Variants in KIF16B observed in about 807,000 individuals in gnomAD.
KIF16B encodes kinesin-like protein KIF16B.
KIF16B carries 98 observed loss-of-function variants against 156.3 expected under a neutral mutation model. The observed-to-expected ratio is 0.63, with a 90% confidence interval of 0.53 to 0.74. KIF16B has a LOEUF of 0.74. Among genes scored for constraint, KIF16B ranks in the 30% least tolerant of loss-of-function variants. The probability of loss-of-function intolerance (pLI) is 0.00; values close to 1 mark genes in which losing one functional copy is unlikely to be tolerated. For missense variants in KIF16B, 1,421 were observed against 1,606.5 expected (o/e 0.88, Z 1.97); for synonymous variants, 564 against 583.7 (o/e 0.97, Z 0.49).
intron 1 of KIF16B, among the ~76,000 whole-genome samples, chr20:16,558,897 C>CAAAAAAA (rs11478258): frequency 1.8e-4 from 11 of 62,070 alleles, no homozygotes; most frequent in East Asian, 5.2e-4. Flanking sequence ...GAGCAAGACT[C>CAAAAAAA]AAAAAAAAAA....
At chr20:16,357,531 A>G (rs2064467608) in intron 22 of KIF16B, among the ~76,000 whole-genome samples, 1 of 152,202 alleles carries the variant, frequency 6.6e-6, no homozygotes, top group African/African-American at 2.4e-5. Context: ...CACTTCACAC[A>G]TATGTAGGTT....
intron 12 of KIF16B, among the ~76,000 whole-genome samples, chr20:16,438,318 A>G (rs1293601102): frequency 4.6e-5 from 7 of 152,124 alleles, no homozygotes; most frequent in Non-Finnish European, 1.0e-4. Flanking sequence ...TGTGGTCCAA[A>G]AATAGGTGAC....
chr20:16,441,446 G>A (rs115872308), intron 12 of KIF16B, among the ~76,000 whole-genome samples: 1,666 of 152,210 alleles, frequency 0.011, 20 homozygotes, highest in African/African-American at 0.038. Context: ...CAGTTATCAG[G>A]CCTAATCGCA....
intron 12 of KIF16B, among the ~76,000 whole-genome samples, chr20:16,435,073 GA>G (rs2066607870): frequency 6.6e-6 from 1 of 152,142 alleles, no homozygotes; most frequent in Non-Finnish European, 1.5e-5. Flanking sequence ...TTAACAGAAT[GA>G]AACTATTTCA....
rs548830082 is a variant in KIF16B at position 16,360,937 on chromosome 20, G to T, written c.3499-4485C>A. Among the ~76,000 whole-genome samples the T allele has an allele frequency of 3.3e-5, 5 of 152,284 alleles. No individual in the cohort carries two copies. In the South Asian group the frequency reaches 1.0e-3, roughly 32 times the overall value. Reference sequence around the variant, plus strand: ...CTCTCAGAGAACATGAAACGGTCCAGGTCCTCAGGGAGTCATTAACAGTTG... The same window carrying T: ...CTCTCAGAGAACATGAAACGGTCCATGTCCTCAGGGAGTCATTAACAGTTG... On this transcript the variant is annotated intron_variant, in intron 22 of 25. Transcript: ENST00000354981.
chr20:16,391,276 C>T (rs927604760), intron 17 of KIF16B, among the ~76,000 whole-genome samples: 1 of 152,112 alleles, frequency 6.6e-6, no homozygotes, highest in African/African-American at 2.4e-5. Flanking sequence ...CTCGAGGGCA[C>T]CTTCCTGGGC....
chr20:16,409,970 C>CAT lies in KIF16B; in HGVS notation c.1613-3516_1613-3515dup, dbSNP rs138849281. Among the ~76,000 whole-genome samples, 17 of 42,694 alleles carry CAT rather than the reference C, an allele frequency of 4.0e-4. 1 individual carries two copies. Among genetic ancestry groups the CAT allele is most frequent in the Non-Finnish European group, 5.5e-4 (15 of 27,096 alleles). 28.0% of individuals were successfully genotyped at this position (42,694 alleles called of 152,430 possible). The stretch of plus-strand genomic sequence containing the variant: ...CTACATATATATATATATATATATA[C>CAT]ATATATATATATATATATATATGTA... On this transcript the variant is annotated intron_variant, in intron 15 of 25. Coordinates refer to ENST00000354981, the MANE Select transcript of KIF16B (RefSeq NM_024704.5).
intron 20 of KIF16B, among the ~76,000 whole-genome samples, chr20:16,372,610 G>A (rs992718763): frequency 5.9e-5 from 9 of 152,162 alleles, no homozygotes; most frequent in East Asian, 3.8e-4. Flanking sequence ...TATCTTCATC[G>A]AAAATCTTTG....
intron 1 of KIF16B, among the ~76,000 whole-genome samples, chr20:16,570,156 A>G (rs73104828): frequency 0.067 from 10,234 of 152,274 alleles, 438 homozygotes; most frequent in South Asian, 0.13. Flanking sequence ...AAATTTCCCA[A>G]TTTTGTATAT....
intron 12 of KIF16B, among the ~76,000 whole-genome samples, chr20:16,470,661 C>CT (rs1247299482): frequency 0.063 from 8,551 of 136,742 alleles, 591 homozygotes; most frequent in African/African-American, 0.17. Context: ...TTCTTTTTTT[C>CT]TTTTTTTTTT....
intron 15 of KIF16B, among the ~76,000 whole-genome samples, chr20:16,426,393 G>A (rs973905241): frequency 2.0e-5 from 3 of 152,114 alleles, no homozygotes; most frequent in African/African-American, 7.2e-5. Flanking sequence ...AAAGGCCAAG[G>A]AAAAGTTCCA....
chr20:16,524,396 T>G (rs2069459682), intron 3 of KIF16B, among the ~76,000 whole-genome samples: 2 of 152,154 alleles, frequency 1.3e-5, no homozygotes, highest in Non-Finnish European at 2.9e-5. Context: ...AAAGAAGACA[T>G]TTATGCAGCC....
chr20:16,522,876 C>T (rs973292732), intron 3 of KIF16B, among the ~76,000 whole-genome samples: 6 of 152,074 alleles, frequency 3.9e-5, no homozygotes, highest in Admixed American at 1.3e-4. Flanking sequence ...CACTCAAAAC[C>T]GCACAATCAC....
chr20:16,474,126 A>T (rs969210976), intron 12 of KIF16B, among the ~76,000 whole-genome samples: 1 of 152,080 alleles, frequency 6.6e-6, no homozygotes, highest in African/African-American at 2.4e-5. Flanking sequence ...GACTCTTAAC[A>T]TCTATGTGTT....
At position 16,409,948 on chromosome 20, in the gene KIF16B, C is replaced by CAT. The variant is rs74175688; in HGVS notation, c.1613-3494_1613-3493dup. On this transcript the variant is annotated intron_variant, in intron 15 of 25. Transcript: ENST00000354981. ...ATCTACCTTCCTACCCACTTACCTA[C>CAT]ATATATATATATATATATATACATA... Among the ~76,000 whole-genome samples the CAT allele has an allele frequency of 6.9e-3, 380 of 54,836 alleles. 26 individuals carry two copies. The highest frequency in any genetic ancestry group is 0.03 in the Middle Eastern group (3 of 100). The allele number at this position is 54,836 out of a possible 152,430, so 36.0% of individuals were successfully genotyped here.
chr20:16,468,440 G>A (rs2067558070), intron 12 of KIF16B, among the ~76,000 whole-genome samples: 1 of 151,906 alleles, frequency 6.6e-6, no homozygotes, highest in African/African-American at 2.4e-5. Flanking sequence ...GCCGGGCATG[G>A]TGGTGGGTGC....
chr20:16,498,050 C>G lies in KIF16B; in HGVS notation c.1177-372G>C, dbSNP rs138998993. Among the ~76,000 whole-genome samples, 759 of 152,210 alleles carry G rather than the reference C, an allele frequency of 5.0e-3. 5 individuals are homozygous for G. Among genetic ancestry groups the G allele is most frequent in the Non-Finnish European group, 8.7e-3 (593 of 68,010 alleles). On this transcript the variant is annotated intron_variant, in intron 10 of 25. Coordinates refer to ENST00000354981, the MANE Select transcript of KIF16B (RefSeq NM_024704.5). The stretch of plus-strand genomic sequence containing the variant: ...GGACCATGCCTAAGTCTTGCTTAAC[C>G]GCAGGCTTCTGAGATTTGCTCTTAC...
intron 1 of KIF16B, among the ~76,000 whole-genome samples, chr20:16,531,832 G>C (rs1203754115): frequency 6.6e-6 from 1 of 152,094 alleles, no homozygotes; most frequent in African/African-American, 2.4e-5. Flanking sequence ...CATTTGGGAG[G>C]CCGAGGCAAG....
At chr20:16,539,314 TACAA>T (rs2070104124) in intron 1 of KIF16B, among the ~76,000 whole-genome samples, 1 of 152,186 alleles carries the variant, frequency 6.6e-6, no homozygotes, top group East Asian at 1.9e-4. Context: ...CTGATAGTGA[TACAA>T]ACAGTGAGAG....
Sources: gnomAD v4.1 joint callset for allele counts (sites outside exome capture counted in the v4.1 genomes callset) on GRCh38, gnomAD v4.1.1 for gene constraint, MANE v1.5 for transcripts, NCBI Gene and HGNC (gene_info 2026-07-23, HGNC 2026-07-21) for gene names.